Variants in CPA6 observed in about 807,000 individuals in gnomAD.
CPA6 encodes carboxypeptidase B.
Under a neutral mutation model 63.3 loss-of-function variants are expected in CPA6, and 58 were observed. The observed-to-expected ratio is 0.92, with a 90% CI of 0.74 to 1.14. The LOEUF (loss-of-function observed/expected upper bound fraction) is 1.14, where lower values mean the gene tolerates loss of function less well. Among genes scored for constraint, CPA6 ranks in the 50% most tolerant of loss-of-function variants. The pLI, the probability that CPA6 is intolerant of heterozygous loss-of-function variation, is 0.00. For missense variants in CPA6, 565 were observed against 526.6 expected (o/e 1.07, Z -0.71); for synonymous variants, 185 against 179.0 (o/e 1.03, Z -0.27).
rs375986445 is a variant in CPA6 at position 67,515,968 on chromosome 8, C to T, written c.317+1955G>A. 3.3e-5 allele frequency among the ~76,000 whole-genome samples: 5 copies of T among 152,212 alleles called. No homozygotes were observed. In the South Asian group the frequency reaches 1.0e-3, roughly 32 times the overall value. On this transcript the variant is annotated intron_variant, in intron 3 of 10. Coordinates refer to ENST00000297770, the MANE Select transcript of CPA6 (RefSeq NM_020361.5). The stretch of plus-strand genomic sequence containing the variant: ...TCTTCCCTGATTCTTCCACTTGGCC[C>T]CCTCATCCGTCCTAGATGCTCCTGC...
intron 1 of CPA6, among the ~76,000 whole-genome samples, chr8:67,659,739 T>C (rs1421021637): frequency 6.6e-6 from 1 of 152,220 alleles, no homozygotes; most frequent in Non-Finnish European, 1.5e-5. Flanking sequence ...GAAGCAAAAC[T>C]TTACATTCCC....
intron 1 of CPA6, among the ~76,000 whole-genome samples, chr8:67,702,555 G>C (rs1409643262): frequency 6.6e-6 from 1 of 152,096 alleles, no homozygotes; most frequent in Non-Finnish European, 1.5e-5. Context: ...AACACTTGAA[G>C]CTGGTGATCA....
intron 2 of CPA6, among the ~76,000 whole-genome samples, chr8:67,575,637 A>G (rs1253851866): frequency 6.6e-6 from 1 of 152,212 alleles, no homozygotes; most frequent in Non-Finnish European, 1.5e-5. Context: ...CGAGAGGATC[A>G]CCTGAGGCCA....
chr8:67,602,766 T>C (rs140438939), intron 2 of CPA6, among the ~76,000 whole-genome samples: 2 of 152,286 alleles, frequency 1.3e-5, no homozygotes, highest in African/African-American at 4.8e-5. Context: ...AAATTATAGC[T>C]TCATTTCTGC....
intron 1 of CPA6, among the ~76,000 whole-genome samples, chr8:67,699,458 G>C (rs190895628): frequency 1.3e-5 from 2 of 151,732 alleles, no homozygotes; most frequent in Admixed American, 6.6e-5. Flanking sequence ...AAAACAGGAG[G>C]GGGGGATGTT....
At chr8:67,576,146 C>T (rs1813619829) in intron 2 of CPA6, among the ~76,000 whole-genome samples, 4 of 152,076 alleles carry the variant, frequency 2.6e-5, no homozygotes, top group African/African-American at 9.7e-5. Flanking sequence ...TAATTGAGTA[C>T]TGTACATTTT....
intron 2 of CPA6, among the ~76,000 whole-genome samples, chr8:67,613,163 A>G (rs915364914): frequency 6.6e-6 from 1 of 152,170 alleles, no homozygotes; most frequent in African/African-American, 2.4e-5. Flanking sequence ...CCCCTACCTC[A>G]TACCCTTGCC....
chr8:67,508,373 G>A (rs1811976527), intron 5 of CPA6, among the ~76,000 whole-genome samples: 2 of 152,122 alleles, frequency 1.3e-5, no homozygotes, highest in African/African-American at 2.4e-5. Context: ...AATCTGAGGT[G>A]CTTTTCTGAA....
In CPA6 at chr8:67,684,055, A is replaced by AT. The variant is rs933599992; in HGVS notation, c.117-59805dup. 2.6e-3 allele frequency among the ~76,000 whole-genome samples: 327 copies of AT among 127,614 alleles called. 3 individuals carry two copies. The highest frequency in any genetic ancestry group is 0.014 in the South Asian group (58 of 4,006). 83.7% of individuals were successfully genotyped at this position (127,614 alleles called of 152,430 possible). ...TAATTTTTATTTTATTTATTTATTT[A>AT]TTTTTTTTTTTTGTAGAGATGGGGT... On this transcript the variant is annotated intron_variant, in intron 1 of 10. Transcript: ENST00000297770.
intron 1 of CPA6, among the ~76,000 whole-genome samples, chr8:67,689,862 C>T (rs1371825692): frequency 6.6e-6 from 1 of 152,240 alleles, no homozygotes; most frequent in East Asian, 1.9e-4. Flanking sequence ...CTGCTTTCCA[C>T]ATTGGCTGAA....
intron 1 of CPA6, among the ~76,000 whole-genome samples, chr8:67,722,274 A>G (rs1036868339): frequency 2.6e-5 from 4 of 152,226 alleles, no homozygotes; most frequent in Non-Finnish European, 5.9e-5. Flanking sequence ...GTCCCCAAAC[A>G]ACAGTCTATG....
At chr8:67,565,512 T>C (rs1813316798) in intron 2 of CPA6, among the ~76,000 whole-genome samples, 1 of 152,120 alleles carries the variant, frequency 6.6e-6, no homozygotes, top group African/African-American at 2.4e-5. Context: ...CCTTGCACTG[T>C]CTGAGGTGCA....
intron 1 of CPA6, among the ~76,000 whole-genome samples, chr8:67,656,033 ATCT>A (rs1365640041): frequency 1.3e-5 from 2 of 151,932 alleles, no homozygotes; most frequent in Non-Finnish European, 2.9e-5. Context: ...GTGTGTTGTA[ATCT>A]TCTTCTAGTC....
intron 1 of CPA6, among the ~76,000 whole-genome samples, chr8:67,707,003 G>A (rs770706241): frequency 9.2e-5 from 14 of 152,096 alleles, no homozygotes; most frequent in Non-Finnish European, 1.9e-4. Flanking sequence ...TCATTGTTAT[G>A]TTAAATTATT....
At chr8:67,534,202 T>C (rs1812535791) in intron 2 of CPA6, among the ~76,000 whole-genome samples, 1 of 152,194 alleles carries the variant, frequency 6.6e-6, no homozygotes, top group Admixed American at 6.5e-5. Flanking sequence ...TTCAGGGATC[T>C]CATGAGTAAG....
At chr8:67,507,857 A>G (rs1563980248) in intron 5 of CPA6, among the ~76,000 whole-genome samples, 1 of 152,184 alleles carries the variant, frequency 6.6e-6, no homozygotes, top group Non-Finnish European at 1.5e-5. Flanking sequence ...AGGCCTCTCA[A>G]TCCTGGAAGA....
intron 4 of CPA6, 55 bp downstream of exon 4, chr8:67,511,486 T>C (rs978389771): frequency 1.0e-6 from 1 of 987,074 alleles, no homozygotes; most frequent in African/African-American, 1.6e-5. Context: ...CCCTTAGACC[T>C]AAATGATAAA....
intron 8 of CPA6, among the ~76,000 whole-genome samples, chr8:67,472,450 G>A (rs773964838): frequency 7.0e-6 from 1 of 143,254 alleles, no homozygotes; most frequent in African/African-American, 2.8e-5. Context: ...ATTGAGACAG[G>A]GTCTGGCTCT....
At chr8:67,534,306 T>G (rs1812537933) in intron 2 of CPA6, among the ~76,000 whole-genome samples, 1 of 151,962 alleles carries the variant, frequency 6.6e-6, no homozygotes, top group Non-Finnish European at 1.5e-5. Context: ...GGAAGCCCCT[T>G]GTGTTCTGGG....
Sources: allele counts gnomAD v4.1 joint callset (sites outside exome capture counted in the v4.1 genomes callset), GRCh38; gene constraint gnomAD v4.1.1; transcripts MANE v1.5; gene names NCBI Gene and HGNC (gene_info 2026-07-23, HGNC 2026-07-21).